ETV6: variants seen among roughly 807,000 people sequenced by gnomAD.
ETV6 encodes transcription factor ETV6.
Under a neutral mutation model 51.1 loss-of-function variants are expected in ETV6, and 16 were observed. The ratio of observed to expected loss-of-function variants is 0.31; its 90% CI spans 0.21 to 0.48. The LOEUF (loss-of-function observed/expected upper bound fraction) is 0.48, where lower values mean the gene tolerates loss of function less well. ETV6 is among the 20% of genes least tolerant of loss of function. The pLI is 0.99. For missense variants in ETV6, 458 were observed against 594.8 expected (o/e 0.77, Z 2.39); for synonymous variants, 240 against 224.1 (o/e 1.07, Z -0.64).
At position 11,886,195 on chromosome 12, in the gene ETV6, TA is replaced by T. The variant is rs142492131; in HGVS notation, c.1253+170del. Among the ~76,000 whole-genome samples the T allele has an allele frequency of 2.1e-3, 313 of 152,280 alleles. 3 individuals carry two copies. The highest frequency in any genetic ancestry group is 7.0e-3 in the African/African-American group (291 of 41,558). On this transcript the variant is annotated intron_variant, in intron 7 of 7. Coordinates refer to ENST00000396373, the MANE Select transcript of ETV6 (RefSeq NM_001987.5). ...CTGGTTTGTTAGGATTTAAGGAAAA[TA>T]TTTTTTTAACTTATGTCTGTCCTGT...
chr12:11,832,769 G>C (rs1336438898), intron 2 of ETV6, among the ~76,000 whole-genome samples: 3 of 152,226 alleles, frequency 2.0e-5, no homozygotes, highest in Non-Finnish European at 4.4e-5. Flanking sequence ...TCATGGATGA[G>C]CTTGGAAAAT....
intron 2 of ETV6, among the ~76,000 whole-genome samples, chr12:11,754,313 GAAAA>G (rs929807555): frequency 2.0e-5 from 3 of 151,398 alleles, no homozygotes; most frequent in South Asian, 4.2e-4. Flanking sequence ...CTAGCACAGA[GAAAA>G]AAAAAGTATC....
chr12:11,844,130 G>A (rs762321818), intron 3 of ETV6, among the ~76,000 whole-genome samples: 2 of 151,992 alleles, frequency 1.3e-5, no homozygotes, highest in Non-Finnish European at 2.9e-5. Context: ...GAACAGACAG[G>A]TTGGCATTTA....
chr12:11,711,883 G>A (rs1319314475), intron 1 of ETV6, among the ~76,000 whole-genome samples: 2 of 152,152 alleles, frequency 1.3e-5, no homozygotes, highest in East Asian at 1.9e-4. Context: ...CCTTCCCCCC[G>A]TGGGTGGAAT....
chr12:11,755,121 A>G (rs1167422759), intron 2 of ETV6, among the ~76,000 whole-genome samples: 2 of 152,192 alleles, frequency 1.3e-5, no homozygotes, highest in Admixed American at 1.3e-4. Context: ...CAGGGTTGAC[A>G]CTTAGCCAGT....
chr12:11,672,235 A>G (rs1288803616), intron 1 of ETV6, among the ~76,000 whole-genome samples: 1 of 152,106 alleles, frequency 6.6e-6, no homozygotes, highest in African/African-American at 2.4e-5. Flanking sequence ...CCAACTCCCA[A>G]CCCAAATCGA....
At chr12:11,888,321 T>C (rs890938654) in intron 7 of ETV6, among the ~76,000 whole-genome samples, 2 of 152,092 alleles carry the variant, frequency 1.3e-5, no homozygotes, top group African/African-American at 4.8e-5. Flanking sequence ...CACACATAGC[T>C]GTCGTCTTCC....
chr12:11,825,769 T>G (rs775475536), intron 2 of ETV6: 6 of 151,940 alleles, frequency 3.9e-5, no homozygotes, highest in Non-Finnish European at 8.8e-5. Context: ...ATAACGTGGT[T>G]AAGAGAGATT....
At position 11,728,032 on chromosome 12, in the gene ETV6, C is replaced by T. The variant is rs559439382; in HGVS notation, c.34-24418C>T. On this transcript the variant is annotated intron_variant, in intron 1 of 7. Transcript: ENST00000396373. ...ACGGGGTTTCACCATGTTGGCCAGG[C>T]GGTTCTCGAACTCCTGACCTCAAGT... 1.3e-4 allele frequency among the ~76,000 whole-genome samples: 20 copies of T among 152,164 alleles called. No homozygotes were observed. The East Asian group carries it at 1.4e-3, about 10-fold the overall frequency.
chr12:11,689,619 A>C (rs1864709015), intron 1 of ETV6, among the ~76,000 whole-genome samples: 1 of 151,926 alleles, frequency 6.6e-6, no homozygotes, highest in Non-Finnish European at 1.5e-5. Flanking sequence ...GCTTTTTTTA[A>C]AAGAAAAAAT....
intron 1 of ETV6, among the ~76,000 whole-genome samples, chr12:11,688,609 G>A (rs966676611): frequency 9.9e-5 from 15 of 152,240 alleles, no homozygotes; most frequent in Non-Finnish European, 1.8e-4. Context: ...ACTGCAGAAG[G>A]CAGAGTTAGG....
intron 1 of ETV6, among the ~76,000 whole-genome samples, chr12:11,652,599 C>G (rs955857735): frequency 8.5e-5 from 13 of 152,176 alleles, no homozygotes; most frequent in Admixed American, 4.6e-4. Flanking sequence ...TTTTCCCAGT[C>G]CTCCTCTCCA....
chr12:11,865,138 C>A (rs1382742638), intron 4 of ETV6, among the ~76,000 whole-genome samples: 1 of 151,872 alleles, frequency 6.6e-6, no homozygotes, highest in Non-Finnish European at 1.5e-5. Flanking sequence ...GTAGTCCCAG[C>A]TACTCAGGAG....
chr12:11,703,030 C>G (rs1865012097), intron 1 of ETV6, among the ~76,000 whole-genome samples: 2 of 152,252 alleles, frequency 1.3e-5, no homozygotes, highest in South Asian at 4.1e-4. Flanking sequence ...GACCTGAGTC[C>G]GGAGAGGTTG....
At chr12:11,722,812 C>T (rs572342699) in intron 1 of ETV6, among the ~76,000 whole-genome samples, 9 of 152,282 alleles carry the variant, frequency 5.9e-5, no homozygotes, top group Admixed American at 1.3e-4. Flanking sequence ...TTAGCCACTA[C>T]GTGGAGAAGC....
At position 11,852,285 on chromosome 12, in the gene ETV6, C is replaced by T. The variant is rs549043233; in HGVS notation, c.329-1142C>T. 2.0e-5 allele frequency among the ~76,000 whole-genome samples: 3 copies of T among 152,338 alleles called. No homozygotes were observed. The South Asian group carries it at 6.2e-4, about 32-fold the overall frequency. Reference sequence around the variant, plus strand: ...TCAGAACAGAAAGGCACCTGCTCAACCCAGCCCCTGCCATCCTCTGGCAAT... The same window carrying T: ...TCAGAACAGAAAGGCACCTGCTCAATCCAGCCCCTGCCATCCTCTGGCAAT... On this transcript the variant is annotated intron_variant, in intron 3 of 7. Coordinates refer to ENST00000396373, the MANE Select transcript of ETV6 (RefSeq NM_001987.5).
At chr12:11,677,139 A>G (rs191555420) in intron 1 of ETV6, among the ~76,000 whole-genome samples, 6 of 152,364 alleles carry the variant, frequency 3.9e-5, no homozygotes, top group Admixed American at 3.3e-4. Flanking sequence ...TATTCTCTCT[A>G]CAAGGACACT....
chr12:11,724,527 C>T (rs920299752), intron 1 of ETV6, among the ~76,000 whole-genome samples: 5 of 152,058 alleles, frequency 3.3e-5, no homozygotes, highest in African/African-American at 9.7e-5. Context: ...TACTATATGC[C>T]GGTTACTCTG....
chr12:11,805,103 G>T (rs956457830), intron 2 of ETV6, among the ~76,000 whole-genome samples: 1 of 152,196 alleles, frequency 6.6e-6, no homozygotes, highest in Non-Finnish European at 1.5e-5. Flanking sequence ...GGCTGGGGGA[G>T]GGTGGAATAC....
Sources: allele counts gnomAD v4.1 joint callset (sites outside exome capture counted in the v4.1 genomes callset), GRCh38; gene constraint gnomAD v4.1.1; transcripts MANE v1.5; gene names NCBI Gene and HGNC (gene_info 2026-07-23, HGNC 2026-07-21).